Variants in SEC14L1 observed in about 807,000 individuals in gnomAD.
SEC14L1 encodes SEC14 like lipid binding 1.
A neutral mutation model predicts 85.3 loss-of-function variants in SEC14L1; 48 were observed. That is an observed-to-expected ratio of 0.56 (90% confidence interval 0.45 to 0.72). The LOEUF is 0.72. Among genes scored for constraint, SEC14L1 ranks in the 30% least tolerant of loss-of-function variants. SEC14L1 has a pLI of 0.00. For synonymous variants in SEC14L1, 391 were observed against 355.5 expected (o/e 1.10, Z -1.12); for missense variants, 682 against 921.4 (o/e 0.74, Z 3.36).
At chr17:77,197,108 A>G (rs1191282953) in intron 8 of SEC14L1, among the ~76,000 whole-genome samples, 4 of 152,200 alleles carry the variant, frequency 2.6e-5, no homozygotes, top group Admixed American at 6.5e-5. Flanking sequence ...CAGAACCTAC[A>G]TTCTTAACCA....
In SEC14L1 at chr17:77,178,743, T is replaced by C. The variant is rs572160207; in HGVS notation, c.64-12060T>C. ...TAGGGCTCTCACTCCTGTGAGAGTC[T>C]GATGCTGCCACTGATGTGACAGGAG... On this transcript the variant is annotated intron_variant, in intron 3 of 16. Transcript: ENST00000436233. Among the ~76,000 whole-genome samples the C allele has an allele frequency of 2.6e-4, 40 of 152,318 alleles. No individual in the cohort carries two copies. In the Middle Eastern group the frequency reaches 0.01, roughly 39 times the overall value.
At chr17:77,181,939 A>G (rs1257911750) in intron 3 of SEC14L1, among the ~76,000 whole-genome samples, 1 of 151,888 alleles carries the variant, frequency 6.6e-6, no homozygotes, top group Non-Finnish European at 1.5e-5. Context: ...ACAAAGTTGG[A>G]CACATTTTCT....
At chr17:77,140,752 C>T (rs1308707949), upstream of SEC14L1, 1 of 151,734 alleles carries the variant, frequency 6.6e-6, no homozygotes, top group African/African-American at 2.4e-5. Flanking sequence ...GGGCCGGCGC[C>T]TTCTCCGAGC....
upstream of SEC14L1, among the ~76,000 whole-genome samples, chr17:77,138,505 G>T (rs376321462): frequency 6.6e-6 from 1 of 152,176 alleles, no homozygotes; most frequent in South Asian, 2.1e-4. Context: ...CCAGCTACTC[G>T]GGAGGCTGAG....
At chr17:77,188,455 C>T (rs1975372535) in intron 3 of SEC14L1, among the ~76,000 whole-genome samples, 1 of 151,910 alleles carries the variant, frequency 6.6e-6, no homozygotes, top group Non-Finnish European at 1.5e-5. Flanking sequence ...CACGATTCAT[C>T]CAGTTCCTCA....
At chr17:77,181,911 T>C (rs761895634) in intron 3 of SEC14L1, among the ~76,000 whole-genome samples, 6 of 152,158 alleles carry the variant, frequency 3.9e-5, no homozygotes, top group Admixed American at 6.5e-5. Context: ...TTCTTTCTTT[T>C]TTTTTTTAAT....
intron 3 of SEC14L1, among the ~76,000 whole-genome samples, chr17:77,107,031 G>T (rs1408711666): frequency 6.6e-6 from 1 of 152,194 alleles, no homozygotes; most frequent in Non-Finnish European, 1.5e-5. Flanking sequence ...CATCCCCCAT[G>T]GGGTGTAATA....
Position 77,216,745 on chromosome 17 carries a change from C to T in SEC14L1, c.*2722C>T. 9.7e-7 allele frequency: 1 copy of T among 1,030,550 alleles called. No homozygotes were observed. The allele number at this position is 1,030,550 out of a possible 1,614,324, so 63.8% of individuals were successfully genotyped here. A position where few individuals can be genotyped will look rare whatever the true frequency, so the allele number is the denominator to read the frequency against. On this transcript the variant is annotated 3_prime_UTR_variant, in exon 17 of 17. Transcript: ENST00000436233. ...GTAGTGCATCTTGAAGAGCTCAAAG[C>T]ACATGACCGCACAAATGCTTACAGG...
At chr17:77,141,997 T>G (rs549063037) in intron 1 of SEC14L1, among the ~76,000 whole-genome samples, 2 of 152,270 alleles carry the variant, frequency 1.3e-5, no homozygotes, top group African/African-American at 4.8e-5. Context: ...AGATGAATAT[T>G]AGAAAAGCTT....
At position 77,213,291 on chromosome 17, in the gene SEC14L1, T is replaced by G. The variant is rs779601597; in HGVS notation, c.1864-23T>G. On this transcript the variant is annotated intron_variant, in intron 15 of 16. Coordinates refer to ENST00000436233, the MANE Select transcript of SEC14L1 (RefSeq NM_001143998.2). This position sits in a 1 kb window ranked among gnomAD's most constrained non-coding sequence, Gnocchi z 7.1. Reference sequence around the variant, plus strand: ...GGGTCGGAAGCGAGTCGCCCTCAGCTGCCACTGCCCTACTTGTTCTAGGGT... The same window carrying G: ...GGGTCGGAAGCGAGTCGCCCTCAGCGGCCACTGCCCTACTTGTTCTAGGGT... The G allele has an allele frequency of 2.5e-6, 4 of 1,582,510 alleles. No homozygotes were observed. The highest frequency in any genetic ancestry group is 2.6e-6 in the Non-Finnish European group (3 of 1,163,730).
At chr17:77,108,507 C>T (rs116512235) in intron 3 of SEC14L1, among the ~76,000 whole-genome samples, 16,153 of 151,982 alleles carry the variant, frequency 0.11, 1,552 homozygotes, top group African/African-American at 0.26. Flanking sequence ...GGAGCAGAGG[C>T]GGGCAGATGG....
intron 9 of SEC14L1, among the ~76,000 whole-genome samples, chr17:77,203,020 G>C (rs1976252417): frequency 6.6e-6 from 1 of 151,774 alleles, no homozygotes; most frequent in African/African-American, 2.4e-5. Context: ...CATTTGTCTT[G>C]GTCCTTAGAG....
At chr17:77,095,275 C>G (rs539833741) in intron 3 of SEC14L1, among the ~76,000 whole-genome samples, 1 of 152,312 alleles carries the variant, frequency 6.6e-6, no homozygotes, top group Non-Finnish European at 1.5e-5. Flanking sequence ...AGGAGAGTGC[C>G]TGAGTCTCCA....
At chr17:77,156,075 C>T (rs1182602094) in intron 3 of SEC14L1, among the ~76,000 whole-genome samples, 1 of 152,180 alleles carries the variant, frequency 6.6e-6, no homozygotes, top group Non-Finnish European at 1.5e-5. Context: ...GCCTTGACCA[C>T]ATACTTGCCT....
At position 77,213,813 on chromosome 17, in the gene SEC14L1, A is replaced by C; in HGVS notation, c.2043-105A>C. Reference sequence around the variant, plus strand: ...TTTGCAAGCACTGATGGGGATGAGAAGTGAGCAGAGAACAGGGTGGGCCAC... The same window carrying C: ...TTTGCAAGCACTGATGGGGATGAGACGTGAGCAGAGAACAGGGTGGGCCAC... On this transcript the variant is annotated intron_variant, in intron 16 of 16. Transcript: ENST00000436233. This position sits in a 1 kb window ranked among gnomAD's most constrained non-coding sequence, Gnocchi z 7.1. 5 of 1,389,116 alleles carry C rather than the reference A, an allele frequency of 3.6e-6. No homozygotes were observed. Among genetic ancestry groups the C allele is most frequent in the Non-Finnish European group, 4.1e-6 (4 of 980,912 alleles). 86.0% of individuals were successfully genotyped at this position (1,389,116 alleles called of 1,614,324 possible). A position where few individuals can be genotyped will look rare whatever the true frequency, so the allele number is the denominator to read the frequency against.
intron 3 of SEC14L1, chr17:77,152,728 A>G (rs1360162366): frequency 2.0e-5 from 3 of 152,212 alleles, no homozygotes; most frequent in South Asian, 2.1e-4. Context: ...TAACAAAAGT[A>G]CTAGTGATGC....
intron 3 of SEC14L1, among the ~76,000 whole-genome samples, chr17:77,120,579 C>T (rs1972271995): frequency 1.3e-5 from 2 of 152,016 alleles, no homozygotes; most frequent in African/African-American, 4.8e-5. Context: ...CAGGTTCAAG[C>T]GATTCTCCTG....
At chr17:77,126,573 G>A (rs544916235) in intron 3 of SEC14L1, among the ~76,000 whole-genome samples, 18 of 152,292 alleles carry the variant, frequency 1.2e-4, no homozygotes, top group African/African-American at 3.6e-4. Context: ...GCATGCTCCT[G>A]GAATTGCTAA....
At chr17:77,194,405 A>G (rs1975695427) in intron 6 of SEC14L1, among the ~76,000 whole-genome samples, 1 of 152,116 alleles carries the variant, frequency 6.6e-6, no homozygotes, top group Non-Finnish European at 1.5e-5. Context: ...GAATACAAAA[A>G]TTAGCCGGAT....
Sources: gnomAD v4.1 joint callset for allele counts (sites outside exome capture counted in the v4.1 genomes callset) on GRCh38, gnomAD v4.1.1 for gene constraint, Gnocchi (gnomAD v3.1) non-coding constraint, MANE v1.5 for transcripts, NCBI Gene and HGNC (gene_info 2026-07-23, HGNC 2026-07-21) for gene names.